PDE8B: variants seen among roughly 807,000 people sequenced by gnomAD.
PDE8B encodes high affinity cAMP-specific and IBMX-insensitive 3',5'-cyclic phosphodiesterase 8B.
Under a neutral mutation model 101.3 loss-of-function variants are expected in PDE8B, and 26 were observed. The observed-to-expected ratio is 0.26, with a 90% CI of 0.19 to 0.36. PDE8B has a LOEUF of 0.36. Among genes scored for constraint, PDE8B ranks in the 10% least tolerant of loss-of-function variants. PDE8B has a pLI of 1.00. For synonymous variants in PDE8B, 424 were observed against 429.3 expected, an observed-to-expected ratio of 0.99 and a Z score of 0.15; for missense variants, 810 against 1,163.1, an observed-to-expected ratio of 0.70 and a Z score of 4.42.
At chr5:77,303,236 C>T (rs537724308) in intron 1 of PDE8B, among the ~76,000 whole-genome samples, 1 of 152,150 alleles carries the variant, frequency 6.6e-6, no homozygotes, top group East Asian at 1.9e-4. Flanking sequence ...TCACTATTTA[C>T]TGCTTAAAAA....
chr5:77,366,560 CAG>C (rs1210749726), intron 10 of PDE8B, among the ~76,000 whole-genome samples: 1 of 152,158 alleles, frequency 6.6e-6, no homozygotes, highest in Admixed American at 6.5e-5. Flanking sequence ...CCACTGCTGT[CAG>C]GGGCTCTTCC....
intron 10 of PDE8B, among the ~76,000 whole-genome samples, chr5:77,385,795 GTTTTTTTT>G (rs35717428): frequency 2.8e-5 from 3 of 107,990 alleles, no homozygotes; most frequent in Non-Finnish European, 5.3e-5. Flanking sequence ...AGTGAGTGAG[GTTTTTTTT>G]TTTTTTTTTT....
the PDE8B span, among the ~76,000 whole-genome samples, chr5:77,179,930 A>G: frequency 1.3e-5 from 2 of 152,264 alleles, no homozygotes; most frequent in East Asian, 3.9e-4. Context: ...TGTGTTATAT[A>G]TGTATAGGGA....
the PDE8B span, among the ~76,000 whole-genome samples, chr5:77,099,845 G>T: frequency 6.6e-6 from 1 of 151,998 alleles, no homozygotes; most frequent in Admixed American, 6.6e-5. Flanking sequence ...CCTGACCTCT[G>T]GTGATCCACC....
At chr5:77,286,323 A>C (rs995707257) in intron 1 of PDE8B, among the ~76,000 whole-genome samples, 1 of 152,202 alleles carries the variant, frequency 6.6e-6, no homozygotes, top group Non-Finnish European at 1.5e-5. Context: ...ATGTGAGCAG[A>C]GTTTGTACAC....
At chr5:77,270,999 A>G (rs1235139048) in intron 1 of PDE8B, among the ~76,000 whole-genome samples, 2 of 152,140 alleles carry the variant, frequency 1.3e-5, no homozygotes, top group African/African-American at 4.8e-5. Context: ...AACCCCATTT[A>G]TGGAATCCAT....
At chr5:77,361,112 G>T (rs1783020013) in intron 10 of PDE8B, among the ~76,000 whole-genome samples, 1 of 152,106 alleles carries the variant, frequency 6.6e-6, no homozygotes, top group Non-Finnish European at 1.5e-5. Flanking sequence ...GTGTGCTCTT[G>T]ACATTTGTAC....
chr5:77,125,858 T>TAAAA, the PDE8B span, among the ~76,000 whole-genome samples: 5 of 151,952 alleles, frequency 3.3e-5, no homozygotes, highest in African/African-American at 1.2e-4. Flanking sequence ...TTTAGGGTGA[T>TAAAA]AAAAAAAATT....
the PDE8B span, among the ~76,000 whole-genome samples, chr5:77,098,295 A>ATTT: frequency 1.9e-5 from 2 of 107,476 alleles, no homozygotes; most frequent in African/African-American, 6.1e-5. Context: ...TTTTTTTTTA[A>ATTT]AAAAAAAAAA....
At chr5:77,390,360 A>G (rs1232689692) in intron 10 of PDE8B, among the ~76,000 whole-genome samples, 2 of 152,220 alleles carry the variant, frequency 1.3e-5, no homozygotes, top group African/African-American at 4.8e-5. Flanking sequence ...TAAGCCTCCA[A>G]GGACTTGCTG....
chr5:77,406,201 C>A (rs1339501029), intron 12 of PDE8B, among the ~76,000 whole-genome samples: 2 of 152,296 alleles, frequency 1.3e-5, no homozygotes, highest in East Asian at 3.9e-4. Flanking sequence ...ATGGGATTCG[C>A]TTGAACCCAG....
chr5:77,262,938 A>G (rs72766934), intron 1 of PDE8B, among the ~76,000 whole-genome samples: 3,168 of 152,340 alleles, frequency 0.021, 54 homozygotes, highest in Non-Finnish European at 0.028. Flanking sequence ...CTGTGACATA[A>G]TATCCTCAAC....
intron 20 of PDE8B, among the ~76,000 whole-genome samples, chr5:77,424,826 GT>G (rs36120983): frequency 0.075 from 10,987 of 147,314 alleles, 592 homozygotes; most frequent in Non-Finnish European, 0.11. Flanking sequence ...TTTGTTTTTT[GT>G]TTTTTGTTTT....
the PDE8B span, among the ~76,000 whole-genome samples, chr5:77,092,795 C>G: frequency 6.6e-6 from 1 of 152,088 alleles, no homozygotes; most frequent in African/African-American, 2.4e-5. Flanking sequence ...TAGCACACAT[C>G]TGTGGTCCCA....
At chr5:77,312,736 G>T (rs906042880) in intron 2 of PDE8B, among the ~76,000 whole-genome samples, 2 of 152,258 alleles carry the variant, frequency 1.3e-5, no homozygotes, top group African/African-American at 4.8e-5. Flanking sequence ...GATAGCATAG[G>T]ATGCCTAGAA....
intron 14 of PDE8B, chr5:77,410,879 T>G (rs1794438364): frequency 6.6e-6 from 1 of 152,190 alleles, no homozygotes; most frequent in Non-Finnish European, 1.5e-5. Context: ...TTAGGGTACA[T>G]GTGCACAACG....
intron 7 of PDE8B, 104 bp from the exon 8 acceptor site, chr5:77,349,315 G>C (rs1780677445): frequency 3.4e-6 from 5 of 1,474,146 alleles, no homozygotes; most frequent in Non-Finnish European, 1.9e-6. Flanking sequence ...CTTCTTGCTT[G>C]ATATTCCTCT....
At chr5:77,237,393 A>G (rs1215714112) in intron 1 of PDE8B, among the ~76,000 whole-genome samples, 1 of 152,088 alleles carries the variant, frequency 6.6e-6, no homozygotes, top group African/African-American at 2.4e-5. Flanking sequence ...GTTTTTTACT[A>G]CATCTCTTTG....
At chr5:77,216,808 G>A (rs1389429068) in intron 1 of PDE8B, among the ~76,000 whole-genome samples, 1 of 152,138 alleles carries the variant, frequency 6.6e-6, no homozygotes, top group African/African-American at 2.4e-5. Context: ...GAAACCAGAG[G>A]GAAAAGGAAT....
Sources: allele counts gnomAD v4.1 joint callset (sites outside exome capture counted in the v4.1 genomes callset), GRCh38; gene constraint gnomAD v4.1.1; transcripts MANE v1.5; gene names NCBI Gene and HGNC (gene_info 2026-07-23, HGNC 2026-07-21).